The following CCDC91 variants were observed in gnomAD, a reference collection of about 807,000 sequenced individuals.
CCDC91 encodes the protein coiled-coil domain-containing protein 91.
CCDC91 carries 48 observed loss-of-function variants against 63.2 expected under a neutral mutation model. The observed-to-expected ratio is 0.76, with a 90% CI of 0.60 to 0.97. CCDC91 has a LOEUF of 0.97. Ranked by LOEUF, CCDC91 falls within the 50% of genes least tolerant of loss-of-function variation. The pLI, the probability that CCDC91 is intolerant of heterozygous loss-of-function variation, is 0.00. For synonymous variants in CCDC91, 167 were observed against 165.8 expected (o/e 1.01, Z -0.06); for missense variants, 500 against 494.6 (o/e 1.01, Z -0.10).
chr12:28,209,434 TTTCTTC>T (rs564968139), intron 1 of CCDC91, among the ~76,000 whole-genome samples: 2 of 152,086 alleles, frequency 1.3e-5, no homozygotes, highest in East Asian at 3.9e-4. Flanking sequence ...TTATTTATTA[TTTCTTC>T]TTCTTCTTCT....
chr12:28,472,197 C>T (rs975259711), intron 11 of CCDC91, among the ~76,000 whole-genome samples: 32 of 152,196 alleles, frequency 2.1e-4, no homozygotes, highest in African/African-American at 7.5e-4. Context: ...GCACTCCTAT[C>T]TGAAGCCATT....
intron 8 of CCDC91, 66 bp downstream of exon 8, chr12:28,391,477 A>C (rs548134200): frequency 3.2e-6 from 3 of 935,136 alleles, no homozygotes; most frequent in Non-Finnish European, 5.1e-6. Context: ...TGAGAGCTCT[A>C]TAACTGTTTA....
At chr12:28,541,360 G>C (rs549735549) in intron 12 of CCDC91, among the ~76,000 whole-genome samples, 2 of 152,038 alleles carry the variant, frequency 1.3e-5, no homozygotes, top group Non-Finnish European at 2.9e-5. Context: ...TCTCTTGCTT[G>C]TTTCTGTAGA....
intron 11 of CCDC91, among the ~76,000 whole-genome samples, chr12:28,468,186 C>T (rs1950635504): frequency 6.7e-6 from 1 of 150,180 alleles, no homozygotes; most frequent in Non-Finnish European, 1.5e-5. Flanking sequence ...ATAGACAAAT[C>T]TTTTGCCAGA....
At chr12:28,316,331 C>T (rs185691753) in intron 6 of CCDC91, among the ~76,000 whole-genome samples, 14 of 151,500 alleles carry the variant, frequency 9.2e-5, no homozygotes, top group Admixed American at 9.2e-4. Flanking sequence ...AAAATTTGCT[C>T]CCCCTTTTAT....
intron 6 of CCDC91, among the ~76,000 whole-genome samples, chr12:28,354,429 A>G (rs943427398): frequency 2.0e-5 from 3 of 152,104 alleles, no homozygotes; most frequent in African/African-American, 7.2e-5. Context: ...TTCTTAACTA[A>G]TTGTATCTAC....
At chr12:28,242,862 G>C (rs1428073802) in intron 1 of CCDC91, among the ~76,000 whole-genome samples, 1 of 152,086 alleles carries the variant, frequency 6.6e-6, no homozygotes, top group Non-Finnish European at 1.5e-5. Context: ...AAGTTATCCT[G>C]AGATCTGGTT....
chr12:28,465,756 C>T (rs1435407043), intron 11 of CCDC91, among the ~76,000 whole-genome samples: 1 of 152,104 alleles, frequency 6.6e-6, no homozygotes, highest in Non-Finnish European at 1.5e-5. Context: ...TCTTCAATGC[C>T]TAGACACAGA....
intron 12 of CCDC91, among the ~76,000 whole-genome samples, chr12:28,538,987 T>A (rs7302555): frequency 0.99 from 150,931 of 152,130 alleles, 74,880 homozygotes; most frequent in Middle Eastern, 1. Context: ...GTTTGAGTTC[T>A]TTGTAGATGC....
chr12:28,478,174 G>A lies in CCDC91; in HGVS notation c.1102-5878G>A, dbSNP rs571184700. ...GCCAAGTCAATCCTAAGCCAAAAGA[G>A]CAAAGCTGGAGGCATCACACTACCT... is the stretch of plus-strand genomic sequence containing the variant. On this transcript the variant is annotated intron_variant, in intron 11 of 12. Coordinates refer to ENST00000536442, the MANE Select transcript of CCDC91 (RefSeq NM_018318.5). Among the ~76,000 whole-genome samples, 488 of 152,084 alleles carry A rather than the reference G, an allele frequency of 3.2e-3. 4 individuals carry two copies. Among genetic ancestry groups the A allele is most frequent in the Middle Eastern group, 0.017 (5 of 294 alleles).
Position 28,248,259 on chromosome 12 carries a change from T to C in CCDC91, c.-14-8943T>C, listed in dbSNP as rs539536342. Among the ~76,000 whole-genome samples the C allele has an allele frequency of 2.6e-5, 4 of 152,304 alleles. No homozygotes were observed. The South Asian group carries it at 6.2e-4, about 24-fold the overall frequency. On this transcript the variant is annotated intron_variant, in intron 1 of 12. Transcript: ENST00000536442. Reference sequence around the variant, plus strand: ...TTGGTGGGGGAGATGTTGAATTCAATCTTGAGTTTTGGTTGTATTGCATTT... The same window carrying C: ...TTGGTGGGGGAGATGTTGAATTCAACCTTGAGTTTTGGTTGTATTGCATTT...
At chr12:28,296,181 A>AAGTT (rs1949553795) in intron 3 of CCDC91, among the ~76,000 whole-genome samples, 1 of 151,476 alleles carries the variant, frequency 6.6e-6, no homozygotes, top group African/African-American at 2.4e-5. Flanking sequence ...CCCATTCAAA[A>AAGTT]AGTTACATTT....
chr12:28,279,533 A>G (rs1262776693), intron 3 of CCDC91, among the ~76,000 whole-genome samples: 1 of 152,134 alleles, frequency 6.6e-6, no homozygotes, highest in African/African-American at 2.4e-5. Flanking sequence ...GAAGGGAGGC[A>G]CCAGCTCCTT....
intron 11 of CCDC91, among the ~76,000 whole-genome samples, chr12:28,463,381 G>T (rs1950401087): frequency 6.6e-6 from 1 of 152,278 alleles, no homozygotes; most frequent in African/African-American, 2.4e-5. Flanking sequence ...TATCACAAAT[G>T]GAATGCTACC....
intron 1 of CCDC91, among the ~76,000 whole-genome samples, chr12:28,206,577 C>G (rs1475555019): frequency 5.3e-5 from 8 of 152,106 alleles, no homozygotes; most frequent in Non-Finnish European, 1.2e-4. Flanking sequence ...TCAAATAGAT[C>G]AGAGAATGAG....
chr12:28,416,093 C>G (rs1947642401), intron 8 of CCDC91, among the ~76,000 whole-genome samples: 1 of 152,024 alleles, frequency 6.6e-6, no homozygotes, highest in Admixed American at 6.6e-5. Context: ...ACTCCTCACC[C>G]AGCTGCTTCT....
intron 7 of CCDC91, among the ~76,000 whole-genome samples, chr12:28,383,201 A>G (rs978906848): frequency 1.3e-5 from 2 of 152,044 alleles, no homozygotes; most frequent in Non-Finnish European, 2.9e-5. Flanking sequence ...CTTCCAAGGC[A>G]CTTTATAGCG....
At chr12:28,284,120 C>CT (rs909933998) in intron 3 of CCDC91, among the ~76,000 whole-genome samples, 48 of 150,904 alleles carry the variant, frequency 3.2e-4, no homozygotes, top group East Asian at 5.8e-4. Flanking sequence ...CTTTCTTCTT[C>CT]TTTTTTTTTA....
At chr12:28,498,908 C>T (rs909720886) in intron 12 of CCDC91, among the ~76,000 whole-genome samples, 5 of 151,640 alleles carry the variant, frequency 3.3e-5, no homozygotes, top group Admixed American at 6.6e-5. Flanking sequence ...AGAGAAAAGA[C>T]CTCATTTGTT....
Sources: allele counts gnomAD v4.1 joint callset (sites outside exome capture counted in the v4.1 genomes callset), GRCh38; gene constraint gnomAD v4.1.1; transcripts MANE v1.5; gene names NCBI Gene and HGNC (gene_info 2026-07-23, HGNC 2026-07-21).